ARHGAP31: variants seen among roughly 807,000 people sequenced by gnomAD.
ARHGAP31 encodes rho GTPase-activating protein 31.
Under a neutral mutation model 113.9 loss-of-function variants are expected in ARHGAP31, and 34 were observed. That is an observed-to-expected ratio of 0.30 (90% CI 0.23 to 0.40). ARHGAP31 has a LOEUF of 0.40. ARHGAP31 is among the 10% of genes least tolerant of loss of function. The pLI, the probability that ARHGAP31 is intolerant of heterozygous loss-of-function variation, is 1.00. For synonymous variants in ARHGAP31, 650 were observed against 684.8 expected (o/e 0.95, Z 0.79); for missense variants, 1,548 against 1,767.1 (o/e 0.88, Z 2.22).
intron 2 of ARHGAP31, among the ~76,000 whole-genome samples, chr3:119,365,935 TA>T (rs1398349423): frequency 2.6e-5 from 4 of 152,036 alleles, no homozygotes; most frequent in African/African-American, 9.6e-5. Context: ...GTGAAAAAAA[TA>T]AAAAATAATA....
At chr3:119,380,787 T>G in intron 3 of ARHGAP31, 117 bp from the exon 4 acceptor site, 5 of 838,678 alleles carry the variant, frequency 6.0e-6, no homozygotes, top group Non-Finnish European at 1.0e-5. Flanking sequence ...CTTGGAAGGA[T>G]GATCTCTAGG....
chr3:119,296,035 A>G (rs1374698787), intron 1 of ARHGAP31, among the ~76,000 whole-genome samples: 1 of 152,218 alleles, frequency 6.6e-6, no homozygotes, highest in Non-Finnish European at 1.5e-5. Context: ...AGATACAACA[A>G]AGGGGAAAAC....
intron 1 of ARHGAP31, among the ~76,000 whole-genome samples, chr3:119,336,732 CAAT>C (rs1375440313): frequency 1.3e-5 from 2 of 152,192 alleles, no homozygotes; most frequent in Non-Finnish European, 2.9e-5. Context: ...TGCTATACAA[CAAT>C]GACCACAATC....
At chr3:119,325,652 G>A (rs1480210426) in intron 1 of ARHGAP31, among the ~76,000 whole-genome samples, 23 of 151,694 alleles carry the variant, frequency 1.5e-4, no homozygotes, top group African/African-American at 4.8e-4. Flanking sequence ...TGGGGATGGC[G>A]GGGGTTGGGG....
chr3:119,356,994 A>G (rs2080164103), intron 1 of ARHGAP31, among the ~76,000 whole-genome samples: 1 of 152,174 alleles, frequency 6.6e-6, no homozygotes, highest in South Asian at 2.1e-4. Context: ...GGTTGTATCA[A>G]TCTCCCCTGC....
chr3:119,413,892 G>A lies in ARHGAP31; in HGVS notation c.1963G>A (p.Glu655Lys), dbSNP rs1426156215. 3.7e-6 allele frequency: 6 copies of A among 1,614,204 alleles called. No homozygotes were observed. The East Asian group carries it at 1.3e-4, about 36-fold the overall frequency. ...DDLANALIWP[E>K]IQQELKIIES... ...TCTGGCCAATGCCCTGATCTGGCCT[G>A]AGATTCAACAGGAGCTGAAAATCAT... Residue 655 changes from glutamate (E) to lysine (K), a missense_variant, in exon 12 of 12, where the codon GAG becomes AAG. Glu to Lys is a moderately conservative substitution (Grantham distance 56). Transcript: ENST00000264245.
intron 3 of ARHGAP31, among the ~76,000 whole-genome samples, chr3:119,372,553 G>GAT (rs2080307396): frequency 6.6e-6 from 1 of 152,030 alleles, no homozygotes; most frequent in Non-Finnish European, 1.5e-5. Context: ...AAAGTGCTGG[G>GAT]ATTACAGGCG....
chr3:119,406,245 AG>A (rs2080659770), intron 10 of ARHGAP31, among the ~76,000 whole-genome samples: 1 of 152,192 alleles, frequency 6.6e-6, no homozygotes, highest in Admixed American at 6.5e-5. Flanking sequence ...CACCTCAAAC[AG>A]GAGTCCATAT....
At chr3:119,342,317 A>G (rs2080015652) in intron 1 of ARHGAP31, among the ~76,000 whole-genome samples, 1 of 152,246 alleles carries the variant, frequency 6.6e-6, no homozygotes, top group Admixed American at 6.5e-5. Context: ...GTAAATGGAA[A>G]TACACCAAGA....
In ARHGAP31 at chr3:119,409,508, A is replaced by C; in HGVS notation, c.1658A>C (p.Lys553Thr). Residue 553 changes from lysine (K) to threonine (T), a missense_variant, in exon 11 of 12, where the codon AAG becomes ACG. Physicochemically the swap from Lys to Thr is moderately conservative, Grantham distance 78. Transcript: ENST00000264245. Reference protein sequence around the residue: ...GAETSAASVPKKAGLEDAKAV... With the variant: ...GAETSAASVPTKAGLEDAKAV... ...ATTTTCACTGCAGCTTCTGTACCTAAGAAGGCAGGTCTTGAGGATGCCAAG... is the reference window on the plus strand; with the variant it reads ...ATTTTCACTGCAGCTTCTGTACCTACGAAGGCAGGTCTTGAGGATGCCAAG... 2 of 1,614,226 alleles carry C rather than the reference A, an allele frequency of 1.2e-6. No homozygotes were observed. Among genetic ancestry groups the C allele is most frequent in the Non-Finnish European group, 1.7e-6 (2 of 1,180,046 alleles).
chr3:119,367,868 A>G (rs917884115), intron 2 of ARHGAP31, among the ~76,000 whole-genome samples: 11 of 151,772 alleles, frequency 7.2e-5, no homozygotes, highest in African/African-American at 1.2e-4. Flanking sequence ...AAAAAAAGAA[A>G]AAAAAAAAAA....
chr3:119,328,068 C>A (rs547420773), intron 1 of ARHGAP31, among the ~76,000 whole-genome samples: 5 of 151,930 alleles, frequency 3.3e-5, no homozygotes, highest in Non-Finnish European at 7.4e-5. Flanking sequence ...TATTAGAAAT[C>A]CAGGAAAAAT....
At chr3:119,373,611 C>T (rs1472626362) in intron 3 of ARHGAP31, among the ~76,000 whole-genome samples, 1 of 151,946 alleles carries the variant, frequency 6.6e-6, no homozygotes, top group Non-Finnish European at 1.5e-5. Context: ...TTACAGGCAC[C>T]CGCCACCATG....
At chr3:119,377,604 G>C (rs115281803) in intron 3 of ARHGAP31, among the ~76,000 whole-genome samples, 1,659 of 151,972 alleles carry the variant, frequency 0.011, 28 homozygotes, top group African/African-American at 0.033. Context: ...AATTTGCAGA[G>C]GGACCAGCTC....
intron 1 of ARHGAP31, among the ~76,000 whole-genome samples, chr3:119,323,387 C>T (rs1013997997): frequency 1.5e-4 from 23 of 152,254 alleles, no homozygotes; most frequent in Non-Finnish European, 2.9e-4. Flanking sequence ...TGCGGCCACA[C>T]CCCGCCGGCC....
intron 1 of ARHGAP31, among the ~76,000 whole-genome samples, chr3:119,306,227 G>C (rs2079629696): frequency 6.6e-6 from 1 of 152,018 alleles, no homozygotes; most frequent in African/African-American, 2.4e-5. Context: ...ATCCAGTTTT[G>C]GACTCCTTGA....
intron 11 of ARHGAP31, among the ~76,000 whole-genome samples, chr3:119,412,849 C>T (rs1577035605): frequency 6.6e-6 from 1 of 151,474 alleles, no homozygotes; most frequent in South Asian, 2.1e-4. Flanking sequence ...ATGGTGAAAC[C>T]CCATCTCTAC....
chr3:119,310,799 G>A (rs1237693520), intron 1 of ARHGAP31, among the ~76,000 whole-genome samples: 1 of 152,174 alleles, frequency 6.6e-6, no homozygotes, highest in Non-Finnish European at 1.5e-5. Context: ...TGTTGTAAAT[G>A]CTCACACGCC....
rs548252430 is a variant in ARHGAP31, at chr3:119,295,090, G to A, written c.100+86G>A. 5 of 1,269,656 alleles carry A rather than the reference G, an allele frequency of 3.9e-6. No homozygotes were observed. In the African/African-American group the frequency reaches 4.4e-5, roughly 11 times the overall value. 78.6% of individuals were successfully genotyped at this position (1,269,656 alleles called of 1,614,324 possible). A position where few individuals can be genotyped will look rare whatever the true frequency, so the allele number is the denominator to read the frequency against. On this transcript the variant is annotated intron_variant, in intron 1 of 11. Transcript: ENST00000264245. ...ACTCTCTCGAGTTGTGATAGAGTCG[G>A]TTCACAAGTTAATGTATTCCAGGCC... is the stretch of plus-strand genomic sequence containing the variant.
Sources: gnomAD v4.1 joint callset for allele counts (sites outside exome capture counted in the v4.1 genomes callset) on GRCh38, gnomAD v4.1.1 for gene constraint, MANE v1.5 for transcripts, NCBI Gene and HGNC (gene_info 2026-07-23, HGNC 2026-07-21) for gene names.